DMXL2: variants seen among roughly 807,000 people sequenced by gnomAD.
DMXL2 encodes dmX-like protein 2.
Under a neutral mutation model 331.1 loss-of-function variants are expected in DMXL2, and 103 were observed. That is an observed-to-expected ratio of 0.31 (90% CI 0.27 to 0.37). DMXL2 has a LOEUF of 0.37. DMXL2 is among the 10% of genes least tolerant of loss of function. DMXL2 has a pLI of 1.00. For missense variants in DMXL2, 3,171 were observed against 3,642.9 expected, an observed-to-expected ratio of 0.87 and a Z score of 3.33; for synonymous variants, 1,281 against 1,252.1, an observed-to-expected ratio of 1.02 and a Z score of -0.49.
chr15:51,620,899 T>C (rs900482467), intron 1 of DMXL2, among the ~76,000 whole-genome samples: 2 of 152,204 alleles, frequency 1.3e-5, no homozygotes, highest in African/African-American at 4.8e-5. Context: ...CCCGTTTATT[T>C]AGTTCTACAT....
intron 13 of DMXL2, 75 bp downstream of exon 13, chr15:51,535,588 C>A: frequency 7.2e-7 from 1 of 1,388,046 alleles, no homozygotes; most frequent in South Asian, 1.5e-5. Context: ...AACTAACAAA[C>A]ACAGGTCCTA....
intron 1 of DMXL2, among the ~76,000 whole-genome samples, chr15:51,577,525 A>C (rs1025688769): frequency 2.0e-5 from 3 of 152,232 alleles, no homozygotes; most frequent in Admixed American, 1.3e-4. Context: ...GGAGGAAATG[A>C]TCACTTACAT....
intron 27 of DMXL2, among the ~76,000 whole-genome samples, chr15:51,475,849 C>G (rs576515090): frequency 1.3e-5 from 2 of 152,224 alleles, no homozygotes; most frequent in East Asian, 3.9e-4. Context: ...GCAACTTACT[C>G]TCAAATTTTT....
intron 16 of DMXL2, among the ~76,000 whole-genome samples, chr15:51,503,429 T>C (rs1013643920): frequency 1.3e-5 from 2 of 152,070 alleles, no homozygotes; most frequent in African/African-American, 4.8e-5. Flanking sequence ...AGCAACACAG[T>C]TGGAAATTGC....
intron 2 of DMXL2, among the ~76,000 whole-genome samples, chr15:51,571,662 G>A (rs2050677872): frequency 6.6e-6 from 1 of 152,186 alleles, no homozygotes; most frequent in South Asian, 2.1e-4. Context: ...CGTGCAAACT[G>A]AACAACCTGC....
At chr15:51,610,262 CAAAT>C (rs1470151121) in intron 1 of DMXL2, among the ~76,000 whole-genome samples, 8 of 151,880 alleles carry the variant, frequency 5.3e-5, no homozygotes, top group East Asian at 1.9e-4. Flanking sequence ...CTTGTAAGCA[CAAAT>C]AAATAAAACA....
intron 2 of DMXL2, 54 bp from the exon 3 acceptor site, chr15:51,568,612 T>A (rs1596289544): frequency 8.7e-7 from 1 of 1,143,772 alleles, no homozygotes; most frequent in Admixed American, 2.5e-5. Context: ...AATAAAGATA[T>A]CTTCCTTTTC....
intron 39 of DMXL2, among the ~76,000 whole-genome samples, 186 bp downstream of exon 39, chr15:51,455,880 T>C (rs1342651153): frequency 6.6e-6 from 1 of 152,206 alleles, no homozygotes; most frequent in East Asian, 1.9e-4. Context: ...GATTAATCCA[T>C]ACTAAATTTT....
Position 51,456,332 on chromosome 15 carries a change from G to T in DMXL2, c.8375C>A (p.Thr2792Asn). ...KRNLHNVKRMTSHPVHQYYLT... is the reference protein window; with the variant it reads ...KRNLHNVKRMNSHPVHQYYLT... ...ACAGTATTGATGGACTGGGTGTGAA[G>T]TCATTCTCTTAACATTATGTAGATT... is the stretch of plus-strand genomic sequence containing the variant. Residue 2792 changes from threonine (T) to asparagine (N), a missense_variant, in exon 38 of 44, where the codon ACT (threonine) becomes AAT (asparagine). Thr to Asn is a moderately conservative substitution (Grantham distance 65). Around this residue, in one of 7 missense-constraint regions of DMXL2, gnomAD observed 766 missense variants for 940.5 expected, o/e 0.81. Transcript: ENST00000560891. 2 of 1,597,578 alleles carry T rather than the reference G, an allele frequency of 1.3e-6. No homozygotes were observed. Among genetic ancestry groups the T allele is most frequent in the Non-Finnish European group, 1.7e-6 (2 of 1,173,768 alleles).
Position 51,545,740 on chromosome 15 carries a change from G to A in DMXL2, c.773C>T (p.Thr258Ile), listed in dbSNP as rs775220583. 6.2e-7 allele frequency: 1 copy of A among 1,612,798 alleles called. No homozygotes were observed. The highest frequency in any genetic ancestry group is 8.5e-7 in the Non-Finnish European group (1 of 1,179,148). ...CCGGCACACACCATCATGACATGAA[G>A]TTAACAACACATTACAGACAGAACC... ...PRGSVCNVLL[T>I]SCHDGVCRLW... The change falls in exon 8 of 44, where the codon ACT (threonine) becomes ATT (isoleucine). Residue 258 changes from threonine (T) to isoleucine (I), a missense_variant. Coordinates refer to ENST00000560891, the MANE Select transcript of DMXL2 (RefSeq NM_001378457.1).
At chr15:51,452,734 A>C (rs1259915094) in intron 41 of DMXL2, among the ~76,000 whole-genome samples, 2 of 152,178 alleles carry the variant, frequency 1.3e-5, no homozygotes, top group African/African-American at 4.8e-5. Flanking sequence ...CAGCAATCCC[A>C]CTACTGGGTA....
At chr15:51,562,065 G>A (rs1245692516) in intron 6 of DMXL2, among the ~76,000 whole-genome samples, 1 of 152,146 alleles carries the variant, frequency 6.6e-6, no homozygotes, top group East Asian at 1.9e-4. Context: ...GTACAGTAGG[G>A]TGGCAATGGT....
chr15:51,581,186 G>A (rs2077108876), intron 1 of DMXL2, among the ~76,000 whole-genome samples: 1 of 152,182 alleles, frequency 6.6e-6, no homozygotes, highest in South Asian at 2.1e-4. Flanking sequence ...CAGATCAGCG[G>A]TGGCATTAGA....
Position 51,447,818 on chromosome 15 carries a change from T to TAAAAGAA in DMXL2, c.*1165_*1166insTTCTTTT, listed in dbSNP as rs2038812689. 6.5e-6 allele frequency: 1 copy of TAAAAGAA among 152,682 alleles called. No homozygotes were observed. The highest frequency in any genetic ancestry group is 1.5e-5 in the Non-Finnish European group (1 of 68,048). The allele number at this position is 152,682 out of a possible 1,614,324, so 9.5% of individuals were successfully genotyped here. On this transcript the variant is annotated 3_prime_UTR_variant, in exon 44 of 44. Transcript: ENST00000560891. ...TAACAAATAACATTTATTTTTCTTT[T>TAAAAGAA]ACATATATATTTCACAGCCTGAACA...
chr15:51,521,883 G>C (rs1286774690), intron 13 of DMXL2, among the ~76,000 whole-genome samples: 1 of 152,158 alleles, frequency 6.6e-6, no homozygotes, highest in Non-Finnish European at 1.5e-5. Context: ...AAAAATTAAA[G>C]ATTGAGTAAA....
intron 38 of DMXL2, 44 bp downstream of exon 38, chr15:51,456,265 C>T (rs2039614218): frequency 6.3e-7 from 1 of 1,596,586 alleles, no homozygotes; most frequent in Admixed American, 1.8e-5. Flanking sequence ...ATAAATCAAC[C>T]TCCAAATGAG....
intron 6 of DMXL2, among the ~76,000 whole-genome samples, chr15:51,555,143 G>A (rs2049477852): frequency 6.6e-6 from 1 of 152,160 alleles, no homozygotes; most frequent in African/African-American, 2.4e-5. Flanking sequence ...AGGCGACAGT[G>A]AGAGACTCTG....
chr15:51,448,919 A>C lies in DMXL2; in HGVS notation c.*65T>G. On this transcript the variant is annotated 3_prime_UTR_variant, in exon 44 of 44. Coordinates refer to ENST00000560891, the MANE Select transcript of DMXL2 (RefSeq NM_001378457.1). Reference sequence around the variant, plus strand: ...TCAATACAACTGCTTAGAAAGCAGAATTGCCTAGTGATGACTGTAGTGTGC... The same window carrying C: ...TCAATACAACTGCTTAGAAAGCAGACTTGCCTAGTGATGACTGTAGTGTGC... 1 of 1,472,412 alleles carries C rather than the reference A, an allele frequency of 6.8e-7. No individual in the cohort carries two copies. Among genetic ancestry groups the C allele is most frequent in the South Asian group, 1.2e-5 (1 of 83,910 alleles). 91.2% of individuals were successfully genotyped at this position (1,472,412 alleles called of 1,614,324 possible).
At position 51,594,520 on chromosome 15, in the gene DMXL2, T is replaced by A. The variant is rs189285597; in HGVS notation, c.88-18339A>T. On this transcript the variant is annotated intron_variant, in intron 1 of 43. Transcript: ENST00000560891. ...GCTGGTACCATTCCTCCTGAAACTA[T>A]TCCAATCAAAAGAAAAAGAGGGAAT... 1.3e-4 allele frequency among the ~76,000 whole-genome samples: 20 copies of A among 152,270 alleles called. No homozygotes were observed. In the East Asian group the frequency reaches 3.9e-3, roughly 29 times the overall value.
Sources: allele counts gnomAD v4.1 joint callset (sites outside exome capture counted in the v4.1 genomes callset), GRCh38; gene constraint gnomAD v4.1.1; regional missense constraint gnomAD v4.1.1; transcripts MANE v1.5; gene names NCBI Gene and HGNC (gene_info 2026-07-23, HGNC 2026-07-21).